The following RNF214 variants were observed in gnomAD, a reference collection of about 807,000 sequenced individuals.
The protein encoded by RNF214 is ring finger protein 214.
A neutral mutation model predicts 75.9 loss-of-function variants in RNF214; 25 were observed. The observed-to-expected ratio is 0.33, with a 90% CI of 0.24 to 0.46. The LOEUF is 0.46. Ranked by LOEUF, RNF214 falls within the 20% of genes least tolerant of loss-of-function variation. The pLI is 1.00. For synonymous variants in RNF214, 314 were observed against 308.8 expected (o/e 1.02, Z -0.18); for missense variants, 725 against 857.5 (o/e 0.85, Z 1.93).
chr11:117,276,632 C>A (rs968055780), intron 6 of RNF214, among the ~76,000 whole-genome samples: 5 of 152,114 alleles, frequency 3.3e-5, no homozygotes, highest in African/African-American at 1.2e-4. Flanking sequence ...ATTTCTTAAC[C>A]ATTTTTGCTA....
intron 6 of RNF214, among the ~76,000 whole-genome samples, chr11:117,278,313 C>G (rs756583771): frequency 6.6e-6 from 1 of 152,070 alleles, no homozygotes; most frequent in Non-Finnish European, 1.5e-5. Context: ...CAAAACAAAA[C>G]AAAACATGTA....
At chr11:117,272,531 C>CGTTT (rs112073410) in intron 6 of RNF214, among the ~76,000 whole-genome samples, 13,156 of 151,972 alleles carry the variant, frequency 0.087, 711 homozygotes, top group East Asian at 0.15. Context: ...GTGGAGCAAA[C>CGTTT]CACCATGGCA....
chr11:117,282,431 G>A lies in RNF214; in HGVS notation c.1740G>A (p.Gln580=), dbSNP rs767264991. The A allele has an allele frequency of 6.2e-7, 1 of 1,614,158 alleles. No homozygotes were observed. The highest frequency in any genetic ancestry group is 2.2e-5 in the East Asian group (1 of 44,886). ...CCCAGATGACCAACATTCTTCAGCA[G>A]ATCAAGACAGCACGTACCACCATGG... ...NKAQMTNILQ[Q]IKTARTTMAG... The change falls in exon 12 of 15, where the codon CAG becomes CAA. Residue 580 remains glutamine (Q), a synonymous_variant. Transcript: ENST00000300650.
intron 14 of RNF214, among the ~76,000 whole-genome samples, chr11:117,283,601 C>T (rs193120033): frequency 7.9e-5 from 12 of 152,160 alleles, no homozygotes; most frequent in African/African-American, 2.2e-4. Flanking sequence ...CCTTGTGATC[C>T]GCCCATCTCA....
Position 117,285,163 on chromosome 11 carries a change from G to T in RNF214, c.*12G>T. The T allele has an allele frequency of 6.3e-7, 1 of 1,593,400 alleles. No individual in the cohort carries two copies. Among genetic ancestry groups the T allele is most frequent in the African/African-American group, 1.3e-5 (1 of 74,586 alleles). On this transcript the variant is annotated 3_prime_UTR_variant, in exon 15 of 15. Transcript: ENST00000300650. Reference sequence around the variant, plus strand: ...CAACTCTTAAATGACGGACCTGACTGGGGAGGAAGAAGAAGAGAAACTGAT... The same window carrying T: ...CAACTCTTAAATGACGGACCTGACTTGGGAGGAAGAAGAAGAGAAACTGAT...
At chr11:117,233,428 G>A (rs2032791231) in intron 1 of RNF214, among the ~76,000 whole-genome samples, 1 of 152,190 alleles carries the variant, frequency 6.6e-6, no homozygotes, top group East Asian at 1.9e-4. Context: ...TGTTCCGGGG[G>A]GGAATACGTG....
intron 6 of RNF214, among the ~76,000 whole-genome samples, chr11:117,275,661 A>G (rs1161555285): frequency 6.6e-6 from 1 of 152,214 alleles, no homozygotes; most frequent in Non-Finnish European, 1.5e-5. Context: ...AATTCCTGGA[A>G]ACACACAACC....
chr11:117,262,651 AG>A (rs1487896074), intron 6 of RNF214, among the ~76,000 whole-genome samples: 3 of 151,390 alleles, frequency 2.0e-5, no homozygotes, highest in African/African-American at 7.3e-5. Flanking sequence ...CTAAGTGCTG[AG>A]ATTACAAGCG....
chr11:117,244,406 A>G, intron 4 of RNF214, 39 bp from the exon 5 acceptor site: 1 of 1,576,234 alleles, frequency 6.3e-7, no homozygotes, highest in African/African-American at 1.4e-5. Flanking sequence ...TCTTGTGATT[A>G]AATTAGGAAA....
At chr11:117,282,622 G>A in intron 12 of RNF214, 86 bp downstream of exon 12, 3 of 1,565,372 alleles carry the variant, frequency 1.9e-6, no homozygotes, top group South Asian at 1.1e-5. Flanking sequence ...GTGGGAAGAA[G>A]CATTCCAGTC....
Position 117,285,227 on chromosome 11 carries a change from ATATT to A in RNF214, c.*80_*83del, listed in dbSNP as rs2134428870. The A allele has an allele frequency of 3.1e-6, 3 of 962,774 alleles. No individual in the cohort carries two copies. The highest frequency in any genetic ancestry group is 5.1e-6 in the Non-Finnish European group (3 of 590,412). The allele number at this position is 962,774 out of a possible 1,614,324, so 59.6% of individuals were successfully genotyped here. A position where few individuals can be genotyped will look rare whatever the true frequency, so the allele number is the denominator to read the frequency against. ...GCGGGTTCAAGATTTCTAAAACTCT[ATATT>A]TATACAGTGACATATACTCATGCCA... On this transcript the variant is annotated 3_prime_UTR_variant, in exon 15 of 15. Transcript: ENST00000300650.
chr11:117,268,742 T>C (rs1022684087), intron 6 of RNF214, among the ~76,000 whole-genome samples: 1 of 152,182 alleles, frequency 6.6e-6, no homozygotes, highest in Non-Finnish European at 1.5e-5. Context: ...TGGAATTTGA[T>C]TGGGTTTGTA....
chr11:117,245,792 C>A (rs922666728), intron 5 of RNF214, among the ~76,000 whole-genome samples: 12 of 152,106 alleles, frequency 7.9e-5, no homozygotes, highest in Admixed American at 7.9e-4. Context: ...AAAATGACCC[C>A]ATTTAAAAAT....
intron 8 of RNF214, among the ~76,000 whole-genome samples, chr11:117,280,884 G>A (rs1026953386): frequency 1.3e-5 from 2 of 151,400 alleles, no homozygotes; most frequent in Admixed American, 6.6e-5. Context: ...AAAGGAATTC[G>A]AATCTTGGGC....
intron 6 of RNF214, among the ~76,000 whole-genome samples, chr11:117,251,072 C>G (rs910466497): frequency 6.6e-6 from 1 of 151,024 alleles, no homozygotes; most frequent in Non-Finnish European, 1.5e-5. Flanking sequence ...CCTTTCCCCC[C>G]TTTCTATTCC....
At position 117,244,546 on chromosome 11, in the gene RNF214, G is replaced by A. The variant is rs749569347; in HGVS notation, c.780G>A (p.Gln260=). Residue 260 remains glutamine (Q), a synonymous_variant, in exon 5 of 15, where the codon CAG becomes CAA. Coordinates refer to ENST00000300650, the MANE Select transcript of RNF214 (RefSeq NM_207343.4). The part of the protein sequence containing the change: ...VENQLQVQLK[Q]LQQRREEEMK... ...ATCAGCTCCAAGTGCAATTAAAGCA[G>A]CTTCAGCAAAGGAGAGAAGAGGAAA... The A allele has an allele frequency of 3.1e-6, 5 of 1,612,130 alleles. No homozygotes were observed. The highest frequency in any genetic ancestry group is 4.2e-6 in the Non-Finnish European group (5 of 1,179,292).
intron 6 of RNF214, among the ~76,000 whole-genome samples, chr11:117,257,285 A>G (rs2033548390): frequency 6.6e-6 from 1 of 152,082 alleles, no homozygotes. Context: ...GTAATGAGCC[A>G]TGACTGTGCC....
intron 2 of RNF214, among the ~76,000 whole-genome samples, chr11:117,238,336 T>C (rs1378623687): frequency 1.3e-5 from 2 of 152,216 alleles, no homozygotes; most frequent in Non-Finnish European, 2.9e-5. Flanking sequence ...GCCAAGGATG[T>C]TGAGACTGTA....
intron 2 of RNF214, among the ~76,000 whole-genome samples, chr11:117,238,390 G>C (rs1468477639): frequency 6.6e-6 from 1 of 152,172 alleles, no homozygotes. Flanking sequence ...GGGTGACAGA[G>C]TTTAGAACCT....
Sources: gnomAD v4.1 joint callset for allele counts (sites outside exome capture counted in the v4.1 genomes callset) on GRCh38, gnomAD v4.1.1 for gene constraint, MANE v1.5 for transcripts, NCBI Gene and HGNC (gene_info 2026-07-23, HGNC 2026-07-21) for gene names.